Variants in EMC2 observed in about 807,000 individuals in gnomAD.
The protein encoded by EMC2 is ER membrane protein complex subunit 2, also known as TPR repeat protein 35.
A neutral mutation model predicts 51.6 loss-of-function variants in EMC2; 37 were observed. That is an observed-to-expected ratio of 0.72 (90% CI 0.55 to 0.94). The LOEUF is 0.94. EMC2 is among the 40% of genes least tolerant of loss of function. The pLI is 0.00. For missense variants in EMC2, 359 were observed against 350.9 expected (o/e 1.02, Z -0.18); for synonymous variants, 131 against 112.4 (o/e 1.17, Z -1.04).
At chr8:108,480,121 G>T (rs1269126113) in intron 10 of EMC2, among the ~76,000 whole-genome samples, 1 of 152,030 alleles carries the variant, frequency 6.6e-6, no homozygotes, top group African/African-American at 2.4e-5. Context: ...TTTTATTTGA[G>T]AAAAGTTGCT....
chr8:108,453,224 A>G, intron 4 of EMC2, 77 bp downstream of exon 4: 1 of 757,000 alleles, frequency 1.3e-6, no homozygotes, highest in Non-Finnish European at 2.2e-6. Flanking sequence ...TTTAATTCAG[A>G]CATTCTAGAG....
At chr8:108,469,186 T>C (rs910346936) in intron 5 of EMC2, among the ~76,000 whole-genome samples, 1 of 152,220 alleles carries the variant, frequency 6.6e-6, no homozygotes, top group Non-Finnish European at 1.5e-5. Flanking sequence ...TATATTTTCA[T>C]TGTGTAGCAC....
intron 5 of EMC2, among the ~76,000 whole-genome samples, chr8:108,465,501 C>T (rs1586185289): frequency 6.6e-6 from 1 of 152,158 alleles, no homozygotes; most frequent in South Asian, 2.1e-4. Context: ...GTATTCGATG[C>T]TCTTTGAAGA....
At chr8:108,455,826 T>A in intron 4 of EMC2, 47 bp from the exon 5 acceptor site, 1 of 692,418 alleles carries the variant, frequency 1.4e-6, no homozygotes, top group Non-Finnish European at 2.4e-6. Context: ...TTTATCACTA[T>A]ATTTTTAAGG....
At chr8:108,469,395 G>C (rs1586187863) in intron 5 of EMC2, among the ~76,000 whole-genome samples, 1 of 152,208 alleles carries the variant, frequency 6.6e-6, no homozygotes, top group South Asian at 2.1e-4. Flanking sequence ...TGAAAAAGTT[G>C]TCAGAAGACA....
At chr8:108,450,883 G>A (rs953367118) in intron 3 of EMC2, among the ~76,000 whole-genome samples, 1 of 152,094 alleles carries the variant, frequency 6.6e-6, no homozygotes, top group African/African-American at 2.4e-5. Flanking sequence ...AGAAAATCCC[G>A]ACGTATAGAA....
At chr8:108,464,529 C>T (rs1489863688) in intron 5 of EMC2, among the ~76,000 whole-genome samples, 1 of 152,194 alleles carries the variant, frequency 6.6e-6, no homozygotes, top group African/African-American at 2.4e-5. Flanking sequence ...CATTCAAGCT[C>T]CTGTTTGAAA....
Position 108,463,044 on chromosome 8 carries a change from T to C in EMC2, c.364-6782T>C, listed in dbSNP as rs1180534624. Among the ~76,000 whole-genome samples, 8 of 152,226 alleles carry C rather than the reference T, an allele frequency of 5.3e-5. No homozygotes were observed. The East Asian group carries it at 9.6e-4, about 18-fold the overall frequency. On this transcript the variant is annotated intron_variant, in intron 5 of 10. Transcript: ENST00000220853. Reference sequence around the variant, plus strand: ...ACTTTCTCCTCCTCCTCTTATTTACTTCTGAGGAAGACAGTATTTTATACC... The same window carrying C: ...ACTTTCTCCTCCTCCTCTTATTTACCTCTGAGGAAGACAGTATTTTATACC...
intron 5 of EMC2, among the ~76,000 whole-genome samples, chr8:108,461,756 T>A (rs1292217667): frequency 6.6e-6 from 1 of 152,056 alleles, no homozygotes; most frequent in Admixed American, 6.5e-5. Flanking sequence ...GTGGACAATA[T>A]AAAATGATAT....
rs796192016 is a variant in EMC2, at chr8:108,463,046, C to T, written c.364-6780C>T. ...TTTCTCCTCCTCCTCTTATTTACTT[C>T]TGAGGAAGACAGTATTTTATACCTC... is the stretch of plus-strand genomic sequence containing the variant. On this transcript the variant is annotated intron_variant, in intron 5 of 10. Transcript: ENST00000220853. Among the ~76,000 whole-genome samples, 6 of 152,234 alleles carry T rather than the reference C, an allele frequency of 3.9e-5. 1 individual carries two copies. The highest frequency in any genetic ancestry group is 1.4e-4 in the African/African-American group (6 of 41,554).
chr8:108,472,914 A>G (rs1315149871), intron 7 of EMC2, among the ~76,000 whole-genome samples: 1 of 152,016 alleles, frequency 6.6e-6, no homozygotes, highest in African/African-American at 2.4e-5. Flanking sequence ...AGAGTCTACA[A>G]CATTTCCCAG....
chr8:108,483,092 G>C (rs1305807468), intron 10 of EMC2, among the ~76,000 whole-genome samples: 1 of 151,934 alleles, frequency 6.6e-6, no homozygotes, highest in East Asian at 1.9e-4. Flanking sequence ...ATGCAAACTT[G>C]GATAAATTAC....
intron 3 of EMC2, among the ~76,000 whole-genome samples, chr8:108,452,724 C>A (rs184880495): frequency 6.6e-6 from 1 of 152,238 alleles, no homozygotes; most frequent in African/African-American, 2.4e-5. Context: ...AAACGCCAGG[C>A]GCTGTTGTCA....
At chr8:108,479,857 A>G (rs903388705) in intron 10 of EMC2, among the ~76,000 whole-genome samples, 2 of 152,082 alleles carry the variant, frequency 1.3e-5, no homozygotes, top group African/African-American at 2.4e-5. Context: ...TCAGCCTCCT[A>G]AGTAGCTGGG....
chr8:108,455,648 GTACTATATACA>G (rs1291424116), intron 4 of EMC2, among the ~76,000 whole-genome samples: 3 of 151,960 alleles, frequency 2.0e-5, no homozygotes, highest in African/African-American at 7.3e-5. Context: ...TTTTCTATAA[GTACTATATACA>G]TGATTTGCTT....
At chr8:108,453,175 A>G (rs1427178366) in intron 4 of EMC2, 28 bp downstream of exon 4, 3 of 1,367,018 alleles carry the variant, frequency 2.2e-6, no homozygotes, top group Non-Finnish European at 2.0e-6. Flanking sequence ...GCTGGCAGGC[A>G]TGGAGCCTGT....
At chr8:108,467,085 G>T (rs1810737399) in intron 5 of EMC2, among the ~76,000 whole-genome samples, 1 of 152,058 alleles carries the variant, frequency 6.6e-6, no homozygotes, top group Non-Finnish European at 1.5e-5. Context: ...ATCACTGCCT[G>T]CTCCTCAGTT....
At chr8:108,483,918 G>T (rs77603371) in intron 10 of EMC2, among the ~76,000 whole-genome samples, 1 of 151,866 alleles carries the variant, frequency 6.6e-6, no homozygotes, top group Admixed American at 6.6e-5. Flanking sequence ...AATATAAACC[G>T]GTATAGAGTA....
chr8:108,449,313 A>G (rs13272781), intron 1 of EMC2, among the ~76,000 whole-genome samples: 102,466 of 149,416 alleles, frequency 0.69, 35,588 homozygotes, highest in African/African-American at 0.81. Context: ...TTGCTTTGTC[A>G]CTCAAGCTGG....
Sources: allele counts gnomAD v4.1 joint callset (sites outside exome capture counted in the v4.1 genomes callset), GRCh38; gene constraint gnomAD v4.1.1; transcripts MANE v1.5; gene names NCBI Gene and HGNC (gene_info 2026-07-23, HGNC 2026-07-21).